Variants in INTS6 observed in about 807,000 individuals in gnomAD.
INTS6 encodes the protein integrator complex subunit 6, also known as DEAD box protein.
INTS6 carries 16 observed loss-of-function variants against 104.9 expected under a neutral mutation model. The observed-to-expected ratio is 0.15, with a 90% CI of 0.10 to 0.23. INTS6 has a LOEUF of 0.23. INTS6 is among the 10% of genes least tolerant of loss of function. INTS6 has a pLI of 1.00. For synonymous variants in INTS6, 324 were observed against 358.7 expected (o/e 0.90, Z 1.09); for missense variants, 584 against 1,062.8 (o/e 0.55, Z 6.26).
intron 4 of INTS6, among the ~76,000 whole-genome samples, chr13:51,399,871 G>T (rs572663736): frequency 6.6e-6 from 1 of 152,204 alleles, no homozygotes; most frequent in Admixed American, 6.5e-5. Flanking sequence ...TTTTAATTGG[G>T]TTGTCTAGCT....
intron 4 of INTS6, among the ~76,000 whole-genome samples, chr13:51,425,406 C>T (rs373691031): frequency 6.6e-6 from 1 of 152,066 alleles, no homozygotes; most frequent in East Asian, 1.9e-4. Context: ...TAAAACTCTT[C>T]CCAACAGATT....
At chr13:51,407,081 A>G (rs1000413423) in intron 4 of INTS6, among the ~76,000 whole-genome samples, 36 of 137,352 alleles carry the variant, frequency 2.6e-4, no homozygotes, top group African/African-American at 8.2e-4. Flanking sequence ...CTTTCAGAGG[A>G]AAAAAAAAAA....
At chr13:51,393,074 A>AT (rs368682215) in intron 5 of INTS6, among the ~76,000 whole-genome samples, 7,695 of 139,440 alleles carry the variant, frequency 0.055, 320 homozygotes, top group Middle Eastern at 0.097. Context: ...AAACAACTAA[A>AT]TTTTTTTTTT....
At chr13:51,396,215 A>G (rs1956335115) in intron 4 of INTS6, among the ~76,000 whole-genome samples, 1 of 152,206 alleles carries the variant, frequency 6.6e-6, no homozygotes, top group African/African-American at 2.4e-5. Flanking sequence ...ACAGCTCTTA[A>G]TATTTTAAAA....
intron 3 of INTS6, chr13:51,450,276 C>G: frequency 1.0e-6 from 1 of 984,984 alleles, no homozygotes; most frequent in Non-Finnish European, 1.2e-6. Context: ...TAAAATGTTA[C>G]AATAGACCAC....
At chr13:51,437,575 G>A (rs1189086237) in intron 3 of INTS6, 1 of 152,092 alleles carries the variant, frequency 6.6e-6, no homozygotes, top group Non-Finnish European at 1.5e-5. Flanking sequence ...CCTAATAAAT[G>A]TTTCAGATCA....
At chr13:51,412,679 T>C (rs1956709430) in intron 4 of INTS6, among the ~76,000 whole-genome samples, 1 of 152,222 alleles carries the variant, frequency 6.6e-6, no homozygotes, top group Admixed American at 6.5e-5. Flanking sequence ...GGTTTCATTA[T>C]AAGGGATACC....
chr13:51,382,144 CA>C, intron 9 of INTS6, 21 bp from the exon 10 acceptor site: 1 of 1,411,358 alleles, frequency 7.1e-7, no homozygotes, highest in Non-Finnish European at 1.0e-6. Flanking sequence ...ATAATGTGAA[CA>C]AACTATCACT....
chr13:51,384,380 T>C (rs1330357488), intron 7 of INTS6: 3 of 280,398 alleles, frequency 1.1e-5, no homozygotes, highest in Non-Finnish European at 2.1e-5. Flanking sequence ...TACCTCTTAA[T>C]AGTCCTCTTC....
chr13:51,378,435 C>T lies in INTS6; in HGVS notation c.1406G>A (p.Arg469Gln), dbSNP rs1429954478. 2 of 1,612,356 alleles carry T rather than the reference C, an allele frequency of 1.2e-6. No individual in the cohort carries two copies. The highest frequency in any genetic ancestry group is 1.1e-5 in the South Asian group (1 of 90,960). Residue 469 changes from arginine (R) to glutamine (Q), a missense_variant, in exon 12 of 18, where the codon CGA becomes CAA. Arg to Gln is a conservative substitution (Grantham distance 43). Around this residue, in one of 5 missense-constraint regions of INTS6, gnomAD observed 74 missense variants for 64.4 expected, o/e 1.15. Coordinates refer to ENST00000311234, the MANE Select transcript of INTS6 (RefSeq NM_012141.3). ...TTTTTTGCCTACAGATCCAATGACT[C>T]GATCAGATTCTATTTTGGCCTAAAG... The part of the protein sequence containing the change: ...LSQQAKIESD[R>Q]VIGSVGKKVV...
intron 5 of INTS6, among the ~76,000 whole-genome samples, chr13:51,391,274 T>G (rs1055854888): frequency 6.6e-6 from 1 of 152,088 alleles, no homozygotes; most frequent in Non-Finnish European, 1.5e-5. Flanking sequence ...AAAGCAAAAA[T>G]TTTAAAGTAT....
chr13:51,398,466 T>C (rs1464776054), intron 4 of INTS6, among the ~76,000 whole-genome samples: 1 of 152,070 alleles, frequency 6.6e-6, no homozygotes, highest in Non-Finnish European at 1.5e-5. Flanking sequence ...GATGATGAAA[T>C]ACACTAGTTA....
At position 51,452,236 on chromosome 13, in the gene INTS6, G is replaced by C; in HGVS notation, c.111+179C>G. 2.9e-6 allele frequency: 2 copies of C among 684,584 alleles called. No homozygotes were observed. The highest frequency in any genetic ancestry group is 5.1e-4 in the Middle Eastern group (1 of 1,960). 42.4% of individuals were successfully genotyped at this position (684,584 alleles called of 1,614,324 possible). A position where few individuals can be genotyped will look rare whatever the true frequency, so the allele number is the denominator to read the frequency against. ...CACACACCGCCCGGGGCCGGAGCCC[G>C]GGCCCCGGCCGAACCCGGCTCGCAG... On this transcript the variant is annotated intron_variant, in intron 1 of 17. Coordinates refer to ENST00000311234, the MANE Select transcript of INTS6 (RefSeq NM_012141.3). This position sits in a 1 kb window ranked among gnomAD's most constrained non-coding sequence, Gnocchi z 4.2.
chr13:51,360,135 G>T (rs1290209387), downstream of INTS6, among the ~76,000 whole-genome samples: 1 of 152,006 alleles, frequency 6.6e-6, no homozygotes, highest in Admixed American at 6.6e-5. Flanking sequence ...GCATTCATGG[G>T]CTATCTCCTG....
intron 4 of INTS6, 86 bp downstream of exon 4, chr13:51,430,208 A>G (rs1957066824): frequency 9.5e-7 from 1 of 1,053,022 alleles, no homozygotes; most frequent in Non-Finnish European, 1.4e-6. Context: ...CAACGAGAGA[A>G]CCTATTAAAG....
intron 15 of INTS6, among the ~76,000 whole-genome samples, chr13:51,373,805 TATAA>T (rs371897986): frequency 3.3e-5 from 5 of 152,230 alleles, no homozygotes; most frequent in Non-Finnish European, 7.3e-5. Flanking sequence ...CCTTGCTGAT[TATAA>T]ATGAGGGCAG....
At chr13:51,447,538 C>T (rs753192510) in intron 3 of INTS6, 1 of 151,914 alleles carries the variant, frequency 6.6e-6, no homozygotes, top group South Asian at 2.1e-4. Flanking sequence ...TATTTTATCT[C>T]CTTTTAAGAT....
chr13:51,377,974 C>T (rs1955966877), intron 12 of INTS6, among the ~76,000 whole-genome samples: 1 of 152,096 alleles, frequency 6.6e-6, no homozygotes, highest in African/African-American at 2.4e-5. Flanking sequence ...TCCACTACTG[C>T]AACTTAAAGC....
chr13:51,423,164 T>C (rs1956925785), intron 4 of INTS6: 2 of 583,982 alleles, frequency 3.4e-6, no homozygotes, highest in South Asian at 2.1e-5. Context: ...AAAGTAACTA[T>C]GTATCACAAG....
Sources: allele counts gnomAD v4.1 joint callset (sites outside exome capture counted in the v4.1 genomes callset), GRCh38; gene constraint gnomAD v4.1.1; regional missense constraint gnomAD v4.1.1; non-coding constraint Gnocchi (gnomAD v3.1); transcripts MANE v1.5; gene names NCBI Gene and HGNC (gene_info 2026-07-23, HGNC 2026-07-21).